COPG2: variants seen among roughly 807,000 people sequenced by gnomAD.
COPG2 encodes the protein coat protein complex I subunit gamma 2, also known as coatomer subunit gamma-2.
COPG2 carries 37 observed loss-of-function variants against 46.3 expected under a neutral mutation model. The ratio of observed to expected loss-of-function variants is 0.80; its 90% CI spans 0.61 to 1.05. The LOEUF (loss-of-function observed/expected upper bound fraction) is 1.05, where lower values mean the gene tolerates loss of function less well. Ranked by LOEUF, COPG2 falls within the 50% of genes least tolerant of loss-of-function variation. The probability of loss-of-function intolerance (pLI) is 0.00; values close to 1 mark genes in which losing one functional copy is unlikely to be tolerated. For synonymous variants in COPG2, 159 were observed against 129.7 expected (o/e 1.23, Z -1.53); for missense variants, 427 against 387.8 (o/e 1.10, Z -0.85).
intron 9 of COPG2, among the ~76,000 whole-genome samples, chr7:130,602,407 T>C (rs1554450485): frequency 6.6e-6 from 1 of 152,132 alleles, no homozygotes; most frequent in African/African-American, 2.4e-5. Flanking sequence ...ATTACCATAT[T>C]TTCCTCCCAT....
chr7:130,526,161 G>A (rs1799772360), intron 20 of COPG2, among the ~76,000 whole-genome samples: 3 of 152,270 alleles, frequency 2.0e-5, no homozygotes, highest in East Asian at 3.9e-4. Flanking sequence ...AGGCTGGAGT[G>A]TAAGAGGGGA....
chr7:130,586,532 G>A (rs534574995), intron 9 of COPG2, among the ~76,000 whole-genome samples: 3 of 152,020 alleles, frequency 2.0e-5, no homozygotes, highest in South Asian at 2.1e-4. Flanking sequence ...GCGCTATCTC[G>A]GCTCACTGCA....
At chr7:130,508,983 T>C (rs782550746) in intron 20 of COPG2, 1 of 472,072 alleles carries the variant, frequency 2.1e-6, no homozygotes, top group Non-Finnish European at 4.1e-6. Flanking sequence ...GGGGCCTAAA[T>C]GTTGAAAAAT....
intron 5 of COPG2, among the ~76,000 whole-genome samples, chr7:130,618,025 C>T (rs1250481063): frequency 1.4e-5 from 2 of 140,194 alleles, no homozygotes; most frequent in African/African-American, 5.4e-5. Context: ...TGCTTGAACC[C>T]AGGAGGCAGA....
intron 9 of COPG2, among the ~76,000 whole-genome samples, chr7:130,599,886 T>C (rs1046143060): frequency 6.6e-5 from 10 of 152,206 alleles, no homozygotes; most frequent in Non-Finnish European, 1.3e-4. Flanking sequence ...TCATAGCAAC[T>C]GTATATATTG....
chr7:130,518,779 A>G (rs1799700364), intron 20 of COPG2, among the ~76,000 whole-genome samples: 1 of 152,112 alleles, frequency 6.6e-6, no homozygotes, highest in Non-Finnish European at 1.5e-5. Context: ...CAAGGGGGGC[A>G]GATCACCTGA....
At chr7:130,516,192 A>T (rs1799676913) in intron 20 of COPG2, among the ~76,000 whole-genome samples, 1 of 152,222 alleles carries the variant, frequency 6.6e-6, no homozygotes, top group Non-Finnish European at 1.5e-5. Context: ...TGACCAAAAA[A>T]AGTGTCAATG....
rs782811687 is a variant in COPG2, at chr7:130,507,736, T to C, written c.2335A>G (p.Thr779Ala). 1 of 780,588 alleles carries C rather than the reference T, an allele frequency of 1.3e-6. No homozygotes were observed. The allele number at this position is 780,588 out of a possible 1,614,324, so 48.4% of individuals were successfully genotyped here. A position where few individuals can be genotyped will look rare whatever the true frequency, so the allele number is the denominator to read the frequency against. ...GCAAAGGTTTCCTCTTTCTCAAAGG[T>C]ATCTCCCACCTCTTCCCAAGCAGCA... ...FAAAWEEVGD[T>A]FEKEETFALS... is the part of the protein sequence containing the mutation. The change falls in exon 22 of 24, where the codon ACC (threonine) becomes GCC (alanine). Residue 779 changes from threonine (T) to alanine (A), a missense_variant. Coordinates refer to ENST00000425248, the MANE Select transcript of COPG2 (RefSeq NM_012133.6).
At chr7:130,555,256 C>T (rs1215784085) in intron 12 of COPG2, 124 bp from the exon 13 acceptor site, 2 of 382,206 alleles carry the variant, frequency 5.2e-6, no homozygotes, top group Non-Finnish European at 9.2e-6. Flanking sequence ...CTACTTACTA[C>T]AAGCTAAGAA....
At chr7:130,539,535 G>A (rs1799916273) in intron 20 of COPG2, among the ~76,000 whole-genome samples, 1 of 152,208 alleles carries the variant, frequency 6.6e-6, no homozygotes, top group Non-Finnish European at 1.5e-5. Flanking sequence ...TCCCTATGGA[G>A]AAGAGATGAC....
At chr7:130,593,080 G>A (rs1794462394) in intron 9 of COPG2, among the ~76,000 whole-genome samples, 1 of 152,214 alleles carries the variant, frequency 6.6e-6, no homozygotes, top group Non-Finnish European at 1.5e-5. Context: ...ACTCTAGTAG[G>A]CTTTGTATGA....
chr7:130,665,635 C>T (rs566428061), intron 3 of COPG2, among the ~76,000 whole-genome samples: 2 of 152,048 alleles, frequency 1.3e-5, no homozygotes, highest in South Asian at 4.2e-4. Context: ...ACAGAGACAA[C>T]TTATATATGG....
intron 20 of COPG2, among the ~76,000 whole-genome samples, chr7:130,543,586 C>T (rs1256045853): frequency 1.3e-5 from 2 of 152,078 alleles, no homozygotes; most frequent in African/African-American, 4.8e-5. Flanking sequence ...ATGTTGGACA[C>T]CAAGAGAACA....
At chr7:130,565,607 T>C (rs1441300837) in intron 9 of COPG2, among the ~76,000 whole-genome samples, 4 of 152,244 alleles carry the variant, frequency 2.6e-5, no homozygotes, top group African/African-American at 4.8e-5. Flanking sequence ...GAAGCCCAGA[T>C]GTTGAACTTA....
At chr7:130,590,831 C>T (rs587638375) in intron 9 of COPG2, among the ~76,000 whole-genome samples, 2 of 152,040 alleles carry the variant, frequency 1.3e-5, no homozygotes, top group African/African-American at 4.8e-5. Flanking sequence ...CCCTGCCCCC[C>T]CGTCTGGGAT....
chr7:130,648,579 C>T (rs1164078365), intron 5 of COPG2, among the ~76,000 whole-genome samples: 2 of 152,206 alleles, frequency 1.3e-5, no homozygotes, highest in African/African-American at 2.4e-5. Flanking sequence ...AAGAAATCCC[C>T]TGCTCCCAAA....
chr7:130,607,653 A>G (rs1794759919), intron 9 of COPG2: 4 of 516,084 alleles, frequency 7.8e-6, no homozygotes, highest in South Asian at 5.7e-5. Context: ...TCAGCCAGTG[A>G]TTTTTGTAGA....
At chr7:130,618,742 G>T (rs1794990511) in intron 5 of COPG2, among the ~76,000 whole-genome samples, 1 of 151,902 alleles carries the variant, frequency 6.6e-6, no homozygotes, top group Non-Finnish European at 1.5e-5. Context: ...ATACTATTTT[G>T]TTTCTATTTA....
chr7:130,568,075 G>A (rs1437210430), intron 9 of COPG2, among the ~76,000 whole-genome samples: 2 of 152,196 alleles, frequency 1.3e-5, no homozygotes, highest in Non-Finnish European at 2.9e-5. Flanking sequence ...TCAGGAGTTT[G>A]AGACCAGCCT....
Sources: gnomAD v4.1 joint callset for allele counts (sites outside exome capture counted in the v4.1 genomes callset) on GRCh38, gnomAD v4.1.1 for gene constraint, MANE v1.5 for transcripts, NCBI Gene and HGNC (gene_info 2026-07-23, HGNC 2026-07-21) for gene names.